Variants in WASF1 observed in about 807,000 individuals in gnomAD.
WASF1 encodes WASP family member 1.
In WASF1, 7 loss-of-function variants were observed where a neutral mutation model predicts 50.5. That is an observed-to-expected ratio of 0.14 (90% CI 0.08 to 0.26). The LOEUF (loss-of-function observed/expected upper bound fraction) is 0.26. WASF1 is among the 10% of genes least tolerant of loss of function. WASF1 has a pLI of 1.00. For synonymous variants in WASF1, 205 were observed against 244.0 expected (o/e 0.84, Z 1.49); for missense variants, 470 against 694.7 (o/e 0.68, Z 3.64).
At chr6:110,158,515 ATT>A (rs1776121274) in intron 3 of WASF1, among the ~76,000 whole-genome samples, 1 of 150,934 alleles carries the variant, frequency 6.6e-6, no homozygotes, top group African/African-American at 2.4e-5. Context: ...CAGCTCCTGG[ATT>A]CATTGATTTT....
chr6:110,103,252 G>A (rs1389768037), intron 9 of WASF1, 126 bp downstream of exon 9: 2 of 938,648 alleles, frequency 2.1e-6, no homozygotes, highest in Non-Finnish European at 1.6e-6. Context: ...ATGCAACAAT[G>A]GCAGAATTGA....
intron 4 of WASF1, 108 bp from the exon 5 acceptor site, chr6:110,113,568 T>G: frequency 1.0e-6 from 1 of 987,558 alleles, no homozygotes; most frequent in Non-Finnish European, 1.4e-6. Context: ...AGATACTTTG[T>G]GATCAGAGAT....
chr6:110,111,427 G>C (rs1030946430), intron 5 of WASF1, among the ~76,000 whole-genome samples: 2 of 151,076 alleles, frequency 1.3e-5, no homozygotes, highest in African/African-American at 4.9e-5. Flanking sequence ...TTTGATAAAG[G>C]ATTTAGATCC....
chr6:110,101,660 G>C lies in WASF1; in HGVS notation c.1450C>G (p.Pro484Ala). ...PPSQVIPASE[P>A]KRHPSTLPVI... ...GGTAGGGTTGATGGATGGCGCTTTG[G>C]CTCAGAAGCAGGTATAACTTGTGAT... The change falls in exon 10 of 11, where the codon CCA becomes GCA. Residue 484 changes from proline (P) to alanine (A), a missense_variant. Coordinates refer to ENST00000392589, the MANE Select transcript of WASF1 (RefSeq NM_003931.3). 1 of 1,614,062 alleles carries C rather than the reference G, an allele frequency of 6.2e-7. No homozygotes were observed. The highest frequency in any genetic ancestry group is 8.5e-7 in the Non-Finnish European group (1 of 1,179,956).
chr6:110,107,055 AT>A (rs764134977), intron 7 of WASF1, 21 bp downstream of exon 7: 11 of 1,539,712 alleles, frequency 7.1e-6, no homozygotes, highest in Middle Eastern at 1.7e-4. Flanking sequence ...ATTAACCTCA[AT>A]TTTTTAATCT....
intron 1 of WASF1, 136 bp from the exon 2 acceptor site, chr6:110,178,878 G>GC (rs1456162895): frequency 6.6e-6 from 1 of 152,484 alleles, no homozygotes; most frequent in Non-Finnish European, 1.5e-5. Context: ...GCCCAAGGCA[G>GC]CCCCCATGAA....
chr6:110,171,613 G>C (rs757059395), intron 2 of WASF1, among the ~76,000 whole-genome samples: 1 of 151,800 alleles, frequency 6.6e-6, no homozygotes, highest in East Asian at 1.9e-4. Flanking sequence ...TTCAGGACAC[G>C]GGCATGGGCA....
intron 3 of WASF1, among the ~76,000 whole-genome samples, chr6:110,160,172 A>C (rs897450731): frequency 6.6e-6 from 1 of 151,878 alleles, no homozygotes; most frequent in African/African-American, 2.4e-5. Context: ...AGTAAGAAAA[A>C]CAGCTGATTT....
intron 5 of WASF1, among the ~76,000 whole-genome samples, chr6:110,111,501 G>A (rs147285454): frequency 1.3e-5 from 2 of 152,198 alleles, no homozygotes; most frequent in East Asian, 1.9e-4. Flanking sequence ...TTATAAATGG[G>A]CTAAGGAATT....
intron 2 of WASF1, among the ~76,000 whole-genome samples, chr6:110,172,243 T>C (rs1007114870): frequency 3.9e-5 from 6 of 152,322 alleles, no homozygotes; most frequent in Admixed American, 6.5e-5. Flanking sequence ...CGTATGTTTA[T>C]TGCGACACCA....
intron 8 of WASF1, among the ~76,000 whole-genome samples, chr6:110,105,094 T>C: frequency 6.6e-6 from 1 of 152,190 alleles, no homozygotes; most frequent in Non-Finnish European, 1.5e-5. Flanking sequence ...CCTAAACTTT[T>C]ATTACAAAAT....
At chr6:110,114,615 A>G (rs1170595328) in intron 4 of WASF1, among the ~76,000 whole-genome samples, 2 of 152,168 alleles carry the variant, frequency 1.3e-5, no homozygotes, top group African/African-American at 4.8e-5. Context: ...ACTTAAAGCA[A>G]AAGGAAGGCA....
At chr6:110,153,023 AATGATTGAG>A (rs1437436357) in intron 3 of WASF1, among the ~76,000 whole-genome samples, 14 of 152,236 alleles carry the variant, frequency 9.2e-5, no homozygotes, top group South Asian at 2.1e-4. Context: ...TGTTCAGCCT[AATGATTGAG>A]ATGATTGAGA....
intron 3 of WASF1, among the ~76,000 whole-genome samples, chr6:110,134,571 CCCA>C (rs1774859124): frequency 7.9e-5 from 12 of 151,840 alleles, no homozygotes; most frequent in Admixed American, 7.9e-4. Flanking sequence ...ATTACAGGTG[CCCA>C]CCACCACGCC....
chr6:110,133,543 C>T (rs1215587921), intron 3 of WASF1, among the ~76,000 whole-genome samples: 1 of 152,176 alleles, frequency 6.6e-6, no homozygotes, highest in Non-Finnish European at 1.5e-5. Flanking sequence ...ACATCCATAA[C>T]AGCAGCTATT....
intron 9 of WASF1, 112 bp downstream of exon 9, chr6:110,103,266 C>T: frequency 8.6e-7 from 1 of 1,166,690 alleles, no homozygotes; most frequent in Non-Finnish European, 1.2e-6. Flanking sequence ...GAATTGAGTA[C>T]TTGTGACAAA....
At chr6:110,179,351 C>G (rs894338633) in intron 1 of WASF1, 88 bp downstream of exon 1, 1 of 152,354 alleles carries the variant, frequency 6.6e-6, no homozygotes, top group Non-Finnish European at 1.5e-5. Flanking sequence ...GGCCACACAC[C>G]ACTCGGTCTG....
chr6:110,135,268 A>C (rs1447893283), intron 3 of WASF1, among the ~76,000 whole-genome samples: 1 of 152,070 alleles, frequency 6.6e-6, no homozygotes, highest in Non-Finnish European at 1.5e-5. Context: ...AGCTTTTTGG[A>C]TGAGTCTTCA....
chr6:110,148,182 T>C (rs549737583), intron 3 of WASF1, among the ~76,000 whole-genome samples: 53 of 152,308 alleles, frequency 3.5e-4, no homozygotes, highest in African/African-American at 1.2e-3. Context: ...AACATATACC[T>C]ATCAAATACA....
Sources: allele counts gnomAD v4.1 joint callset (sites outside exome capture counted in the v4.1 genomes callset), GRCh38; gene constraint gnomAD v4.1.1; transcripts MANE v1.5; gene names NCBI Gene and HGNC (gene_info 2026-07-23, HGNC 2026-07-21).